TNIP3: variants seen among roughly 807,000 people sequenced by gnomAD.
TNIP3 encodes the protein TNFAIP3 interacting protein 3, also known as TNFAIP3-interacting protein 3.
Under a neutral mutation model 54.1 loss-of-function variants are expected in TNIP3, and 34 were observed. That is an observed-to-expected ratio of 0.63 (90% CI 0.48 to 0.84). TNIP3 has a LOEUF of 0.84. Ranked by LOEUF, TNIP3 falls within the 40% of genes least tolerant of loss-of-function variation. The probability of loss-of-function intolerance (pLI) is 0.00; values close to 1 mark genes in which losing one functional copy is unlikely to be tolerated. For synonymous variants in TNIP3, 134 were observed against 136.8 expected (o/e 0.98, Z 0.14); for missense variants, 366 against 387.6 (o/e 0.94, Z 0.47).
intron 2 of TNIP3, among the ~76,000 whole-genome samples, chr4:121,215,366 T>C (rs1235648760): frequency 1.3e-5 from 2 of 152,208 alleles, no homozygotes; most frequent in South Asian, 2.1e-4. Flanking sequence ...TTGAAAGGTA[T>C]CACAAAATAG....
At chr4:121,144,778 GGCAGGT>G (rs1560640605) in intron 7 of TNIP3, among the ~76,000 whole-genome samples, 2 of 152,146 alleles carry the variant, frequency 1.3e-5, no homozygotes, top group East Asian at 3.8e-4. Context: ...ATATTTTACA[GGCAGGT>G]ATACTAAAAG....
intron 10 of TNIP3, among the ~76,000 whole-genome samples, chr4:121,136,331 A>C (rs1284646410): frequency 6.6e-6 from 1 of 152,174 alleles, no homozygotes; most frequent in Non-Finnish European, 1.5e-5. Context: ...AGAAAATTTC[A>C]ATAAAGTGAG....
chr4:121,203,982 A>T (rs1726043807), intron 2 of TNIP3, among the ~76,000 whole-genome samples: 1 of 149,184 alleles, frequency 6.7e-6, no homozygotes, highest in Non-Finnish European at 1.5e-5. Context: ...TAAATATTTA[A>T]TATTAAAACA....
In TNIP3 at chr4:121,158,630, T is replaced by C. The variant is rs368418486; in HGVS notation, c.213+57A>G. The C allele has an allele frequency of 1.1e-5, 15 of 1,354,104 alleles. No individual in the cohort carries two copies. The African/African-American group carries it at 1.6e-4, about 14-fold the overall frequency. The allele number at this position is 1,354,104 out of a possible 1,614,324, so 83.9% of individuals were successfully genotyped here. A position where few individuals can be genotyped will look rare whatever the true frequency, so the allele number is the denominator to read the frequency against. The stretch of plus-strand genomic sequence containing the variant: ...GAAATGAATGAGACTCTTCACACAA[T>C]TGGCCCCACCAGGATAATGGCTTTA... On this transcript the variant is annotated intron_variant, in intron 3 of 10. Transcript: ENST00000057513.
At chr4:121,215,222 G>A (rs896536516) in intron 2 of TNIP3, among the ~76,000 whole-genome samples, 6 of 151,928 alleles carry the variant, frequency 3.9e-5, no homozygotes, top group African/African-American at 1.2e-4. Context: ...AGTACAGATG[G>A]GCCTCTTTTA....
At chr4:121,191,086 G>C (rs1466083057) in intron 2 of TNIP3, among the ~76,000 whole-genome samples, 1 of 152,064 alleles carries the variant, frequency 6.6e-6, no homozygotes, top group African/African-American at 2.4e-5. Context: ...TGTTGTTTTT[G>C]TTTTTGTTGT....
intron 2 of TNIP3, among the ~76,000 whole-genome samples, chr4:121,203,521 C>T (rs1441149221): frequency 6.6e-6 from 1 of 152,058 alleles, no homozygotes; most frequent in African/African-American, 2.4e-5. Context: ...GTAGTGTACA[C>T]TTTCCGGGTG....
intron 2 of TNIP3, among the ~76,000 whole-genome samples, chr4:121,192,382 T>C (rs1237635087): frequency 6.6e-6 from 1 of 152,206 alleles, no homozygotes; most frequent in Non-Finnish European, 1.5e-5. Context: ...TGATGGCACG[T>C]TCCCAGTCCC....
At chr4:121,214,455 G>A (rs1726671360) in intron 2 of TNIP3, among the ~76,000 whole-genome samples, 1 of 152,180 alleles carries the variant, frequency 6.6e-6, no homozygotes, top group African/African-American at 2.4e-5. Flanking sequence ...CTGTGGAGAA[G>A]AGGCAAGAGA....
chr4:121,173,295 C>A (rs534416291), intron 3 of TNIP3, among the ~76,000 whole-genome samples: 1 of 152,184 alleles, frequency 6.6e-6, no homozygotes, highest in African/African-American at 2.4e-5. Flanking sequence ...GGTGGCTTGA[C>A]CTTTGACGTT....
chr4:121,216,685 C>T (rs554012138), upstream of TNIP3: 76 of 1,363,158 alleles, frequency 5.6e-5, no homozygotes, highest in Middle Eastern at 2.5e-4. Flanking sequence ...CTGCCTTCTG[C>T]CTAGTTTCAA....
At chr4:121,188,068 G>A (rs1456318054) in intron 2 of TNIP3, among the ~76,000 whole-genome samples, 1 of 152,048 alleles carries the variant, frequency 6.6e-6, no homozygotes, top group African/African-American at 2.4e-5. Flanking sequence ...GAATTATGGA[G>A]GCAATATTAT....
At chr4:121,184,957 G>A (rs1435412378) in intron 2 of TNIP3, among the ~76,000 whole-genome samples, 1 of 152,174 alleles carries the variant, frequency 6.6e-6, no homozygotes, top group Non-Finnish European at 1.5e-5. Flanking sequence ...AGATTCCCAA[G>A]TAGCAACAGA....
chr4:121,195,898 C>T (rs142475397), intron 2 of TNIP3, among the ~76,000 whole-genome samples: 4 of 152,310 alleles, frequency 2.6e-5, no homozygotes, highest in African/African-American at 9.6e-5. Flanking sequence ...GAATGGGAAA[C>T]AGTAGCATTC....
At chr4:121,165,930 A>G (rs1730742748), upstream of TNIP3, among the ~76,000 whole-genome samples, 1 of 152,198 alleles carries the variant, frequency 6.6e-6, no homozygotes, top group Non-Finnish European at 1.5e-5. Context: ...AGAAAACTCT[A>G]TTGTAAGAAT....
chr4:121,144,547 G>A (rs745917542), intron 7 of TNIP3, among the ~76,000 whole-genome samples: 37 of 152,016 alleles, frequency 2.4e-4, no homozygotes, highest in Admixed American at 2.0e-4. Flanking sequence ...GATTACAGGC[G>A]CGTGCCACCA....
chr4:121,178,275 A>G (rs1251888629), intron 3 of TNIP3, among the ~76,000 whole-genome samples: 1 of 152,236 alleles, frequency 6.6e-6, no homozygotes, highest in African/African-American at 2.4e-5. Flanking sequence ...GGTAAAGATG[A>G]AATGAGCTAA....
At chr4:121,201,935 C>G (rs1413200167) in intron 2 of TNIP3, among the ~76,000 whole-genome samples, 3 of 152,118 alleles carry the variant, frequency 2.0e-5, no homozygotes, top group African/African-American at 4.8e-5. Context: ...AAACATAGCC[C>G]ATGCTCGTGG....
chr4:121,148,010 G>C (rs182172848), intron 6 of TNIP3, among the ~76,000 whole-genome samples: 1 of 152,266 alleles, frequency 6.6e-6, no homozygotes, highest in East Asian at 1.9e-4. Context: ...AGCACTGAAG[G>C]GAAACTACAT....
Sources: allele counts gnomAD v4.1 joint callset (sites outside exome capture counted in the v4.1 genomes callset), GRCh38; gene constraint gnomAD v4.1.1; transcripts MANE v1.5; gene names NCBI Gene and HGNC (gene_info 2026-07-23, HGNC 2026-07-21).